Variants in MLLT3 observed in about 807,000 individuals in gnomAD.
The protein encoded by MLLT3 is MLLT3 super elongation complex subunit.
A neutral mutation model predicts 53.2 loss-of-function variants in MLLT3; 4 were observed. The observed-to-expected ratio is 0.08, with a 90% CI of 0.04 to 0.17. MLLT3 has a LOEUF of 0.17. MLLT3 is among the 10% of genes least tolerant of loss of function. The probability of loss-of-function intolerance (pLI) is 1.00; values close to 1 mark genes in which losing one functional copy is unlikely to be tolerated. For synonymous variants in MLLT3, 283 were observed against 230.6 expected (o/e 1.23, Z -2.06); for missense variants, 569 against 684.0 (o/e 0.83, Z 1.87).
At chr9:20,520,331 T>C (rs765056790) in intron 2 of MLLT3, among the ~76,000 whole-genome samples, 103 of 151,806 alleles carry the variant, frequency 6.8e-4, no homozygotes, top group Non-Finnish European at 1.3e-3. Flanking sequence ...AATCTGCACA[T>C]GGACCCCTGA....
Position 20,346,593 on chromosome 9 carries a change from G to C in MLLT3, c.1576-19C>G, listed in dbSNP as rs1820876202. On this transcript the variant is annotated intron_variant, in intron 10 of 10. Coordinates refer to ENST00000380338, the MANE Select transcript of MLLT3 (RefSeq NM_004529.4). ...TCACGATCTAGAGGAGTGAAGAAGA[G>C]AAAGTTTGGGCAATACGCAGCAAAC... is the stretch of plus-strand genomic sequence containing the variant. 1.2e-6 allele frequency: 2 copies of C among 1,608,556 alleles called. No homozygotes were observed.
At chr9:20,460,001 T>C (rs547657198) in intron 2 of MLLT3, among the ~76,000 whole-genome samples, 8 of 152,326 alleles carry the variant, frequency 5.3e-5, no homozygotes, top group African/African-American at 1.4e-4. Context: ...AAGTTGTTTA[T>C]TTATTTGGGT....
intron 2 of MLLT3, among the ~76,000 whole-genome samples, chr9:20,511,741 T>C (rs530872321): frequency 3.3e-5 from 5 of 152,090 alleles, no homozygotes; most frequent in East Asian, 3.9e-4. Context: ...CAGATACACA[T>C]ACATACATAC....
At chr9:20,425,497 C>G (rs1823119784) in intron 4 of MLLT3, among the ~76,000 whole-genome samples, 3 of 151,978 alleles carry the variant, frequency 2.0e-5, no homozygotes, top group Non-Finnish European at 4.4e-5. Context: ...CACTCATTTG[C>G]ACTTTAGAGA....
intron 2 of MLLT3, among the ~76,000 whole-genome samples, chr9:20,574,351 A>T (rs1409506652): frequency 6.6e-6 from 1 of 152,218 alleles, no homozygotes; most frequent in African/African-American, 2.4e-5. Flanking sequence ...CATTTTAAAG[A>T]ACAAAAGTTC....
At chr9:20,604,158 C>T (rs535924298) in intron 2 of MLLT3, among the ~76,000 whole-genome samples, 3 of 152,008 alleles carry the variant, frequency 2.0e-5, no homozygotes, top group East Asian at 1.9e-4. Flanking sequence ...ATAGCAATAA[C>T]GCAAACACAT....
At chr9:20,381,452 TA>T (rs10712791) in intron 5 of MLLT3, among the ~76,000 whole-genome samples, 31,209 of 151,756 alleles carry the variant, frequency 0.21, 3,794 homozygotes, top group African/African-American at 0.34. Context: ...TGCCTATGTG[TA>T]AAAAAGCACC....
intron 2 of MLLT3, among the ~76,000 whole-genome samples, chr9:20,606,295 T>C (rs1191458593): frequency 2.0e-5 from 3 of 151,384 alleles, no homozygotes; most frequent in Admixed American, 6.6e-5. Flanking sequence ...GTCTTTTAAA[T>C]ACTATTTTAT....
chr9:20,495,403 A>G (rs1326568135), intron 2 of MLLT3, among the ~76,000 whole-genome samples: 1 of 152,204 alleles, frequency 6.6e-6, no homozygotes, highest in Non-Finnish European at 1.5e-5. Context: ...ACTAGTCTAG[A>G]GGTTAAGGTA....
chr9:20,572,738 G>A (rs1819561016), intron 2 of MLLT3, among the ~76,000 whole-genome samples: 2 of 152,148 alleles, frequency 1.3e-5, no homozygotes, highest in Non-Finnish European at 2.9e-5. Flanking sequence ...AGATTGCAGT[G>A]AGCCGAGATT....
chr9:20,556,104 G>T (rs878950269), intron 2 of MLLT3, among the ~76,000 whole-genome samples: 1 of 151,744 alleles, frequency 6.6e-6, no homozygotes, highest in Admixed American at 6.6e-5. Flanking sequence ...AGTAATAAAC[G>T]AATTTATAAA....
intron 2 of MLLT3, among the ~76,000 whole-genome samples, chr9:20,543,920 G>A (rs112777734): frequency 0.011 from 1,600 of 151,422 alleles, 28 homozygotes; most frequent in African/African-American, 0.034. Context: ...TGCATTATCT[G>A]CAAAGCGTAA....
chr9:20,498,615 A>T (rs1024619282), intron 2 of MLLT3, among the ~76,000 whole-genome samples: 2 of 152,190 alleles, frequency 1.3e-5, no homozygotes, highest in Non-Finnish European at 2.9e-5. Flanking sequence ...TTCTTAAAAC[A>T]TTATGAGATT....
At chr9:20,537,959 C>T (rs1366998000) in intron 2 of MLLT3, among the ~76,000 whole-genome samples, 1 of 152,088 alleles carries the variant, frequency 6.6e-6, no homozygotes, top group Non-Finnish European at 1.5e-5. Flanking sequence ...ACATGGCAGA[C>T]TTATAATATT....
chr9:20,369,124 C>A (rs1182227217), intron 5 of MLLT3, among the ~76,000 whole-genome samples: 4 of 152,202 alleles, frequency 2.6e-5, no homozygotes, highest in Non-Finnish European at 5.9e-5. Flanking sequence ...AATGATGATG[C>A]TGCAGGTCCA....
rs1384755415 is a variant in MLLT3, at chr9:20,360,614, T to A, written c.1431+128A>T. 4.1e-6 allele frequency: 3 copies of A among 727,608 alleles called. No homozygotes were observed. In the East Asian group the frequency reaches 8.1e-5, roughly 20 times the overall value. The allele number at this position is 727,608 out of a possible 1,614,324, so 45.1% of individuals were successfully genotyped here. A position where few individuals can be genotyped will look rare whatever the true frequency, so the allele number is the denominator to read the frequency against. ...TGTGTTTATTCCACAGGCTGTGGCC[T>A]CCCTCCCATCTATTTGGCATCAAGA... is the stretch of plus-strand genomic sequence containing the variant. On this transcript the variant is annotated intron_variant, in intron 8 of 10. Coordinates refer to ENST00000380338, the MANE Select transcript of MLLT3 (RefSeq NM_004529.4).
intron 2 of MLLT3, among the ~76,000 whole-genome samples, chr9:20,505,653 T>C (rs1825362853): frequency 6.6e-6 from 1 of 152,212 alleles, no homozygotes; most frequent in Admixed American, 6.5e-5. Flanking sequence ...TTGTTTCCTA[T>C]GCCTCACTTG....
At chr9:20,348,695 T>C (rs1474840227) in intron 10 of MLLT3, among the ~76,000 whole-genome samples, 2 of 152,198 alleles carry the variant, frequency 1.3e-5, no homozygotes, top group African/African-American at 4.8e-5. Context: ...TGTACCCAAT[T>C]ATGGTTAAAG....
intron 4 of MLLT3, among the ~76,000 whole-genome samples, chr9:20,443,019 C>T (rs1823593074): frequency 6.6e-6 from 1 of 151,760 alleles, no homozygotes; most frequent in African/African-American, 2.4e-5. Context: ...TTTCAGTCCT[C>T]AAAATTAACT....
Sources: gnomAD v4.1 joint callset for allele counts (sites outside exome capture counted in the v4.1 genomes callset) on GRCh38, gnomAD v4.1.1 for gene constraint, MANE v1.5 for transcripts, NCBI Gene and HGNC (gene_info 2026-07-23, HGNC 2026-07-21) for gene names.